The following NAV1 variants were observed in gnomAD, a reference collection of about 807,000 sequenced individuals.
NAV1 encodes neuron navigator 1.
A neutral mutation model predicts 175.2 loss-of-function variants in NAV1; 18 were observed. That is an observed-to-expected ratio of 0.10 (90% CI 0.07 to 0.15). The LOEUF (loss-of-function observed/expected upper bound fraction) is 0.15. NAV1 is among the 10% of genes least tolerant of loss of function. NAV1 has a pLI of 1.00. For missense variants in NAV1, 1,731 were observed against 2,436.6 expected (o/e 0.71, Z 6.10); for synonymous variants, 897 against 978.7 (o/e 0.92, Z 1.56).
chr1:201,761,430 A>T (rs1674835959), intron 3 of NAV1, among the ~76,000 whole-genome samples: 1 of 152,186 alleles, frequency 6.6e-6, no homozygotes, highest in Non-Finnish European at 1.5e-5. Context: ...GGTCTTTTAG[A>T]GCTGCCAGAA....
At chr1:201,799,192 G>T (rs1338374591) in intron 15 of NAV1, among the ~76,000 whole-genome samples, 3 of 151,994 alleles carry the variant, frequency 2.0e-5, no homozygotes, top group African/African-American at 7.3e-5. Flanking sequence ...GTGTGTGTGT[G>T]TGTGGAGAGA....
At chr1:201,686,744 T>C (rs1280823909) in intron 1 of NAV1, among the ~76,000 whole-genome samples, 1 of 152,224 alleles carries the variant, frequency 6.6e-6, no homozygotes, top group Non-Finnish European at 1.5e-5. Flanking sequence ...AGCCCTTAAA[T>C]TGGCTTCCGG....
intron 3 of NAV1, among the ~76,000 whole-genome samples, chr1:201,741,132 A>G (rs1186085390): frequency 6.6e-6 from 1 of 152,130 alleles, no homozygotes; most frequent in African/African-American, 2.4e-5. Context: ...AGTACCCTCC[A>G]GGGGCTCAAT....
chr1:201,779,430 TAA>T (rs35904825), intron 3 of NAV1, among the ~76,000 whole-genome samples: 7 of 136,286 alleles, frequency 5.1e-5, no homozygotes, highest in African/African-American at 8.3e-5. Flanking sequence ...TGTCTCTACT[TAA>T]AAAAAAAAAA....
intron 1 of NAV1, among the ~76,000 whole-genome samples, chr1:201,585,562 A>G (rs1273359866): frequency 6.6e-6 from 1 of 152,212 alleles, no homozygotes; most frequent in Admixed American, 6.5e-5. Flanking sequence ...TGCAAATCTT[A>G]TATCTGATAA....
At position 201,799,175 on chromosome 1, in the gene NAV1, A is replaced by AGTGT. The variant is rs1170303294; in HGVS notation, c.3518-4418_3518-4417insGTGT. 6.6e-5 allele frequency among the ~76,000 whole-genome samples: 7 copies of AGTGT among 105,634 alleles called. No homozygotes were observed. The East Asian group carries it at 1.8e-3, about 27-fold the overall frequency. 69.3% of individuals were successfully genotyped at this position (105,634 alleles called of 152,430 possible). On this transcript the variant is annotated intron_variant, in intron 15 of 29. Coordinates refer to ENST00000367296, the Ensembl canonical transcript of NAV1. ...AACTTATTTTCAAATTGTTCAAGAA[A>AGTGT]CTGTGTGTGTGTGTGTGTGTGGAGA...
At chr1:201,542,255 C>T (rs1665535417) in intron 1 of NAV1, among the ~76,000 whole-genome samples, 1 of 152,132 alleles carries the variant, frequency 6.6e-6, no homozygotes, top group African/African-American at 2.4e-5. Context: ...ATGTTACTTA[C>T]CTCTTAGCTA....
chr1:201,680,151 A>G (rs1187027892), intron 1 of NAV1, among the ~76,000 whole-genome samples: 1 of 152,196 alleles, frequency 6.6e-6, no homozygotes, highest in Admixed American at 6.5e-5. Flanking sequence ...TACTCATGGC[A>G]GAAGGTGAAC....
At chr1:201,818,972 G>C (rs1679230260) in intron 29 of NAV1, among the ~76,000 whole-genome samples, 1 of 152,138 alleles carries the variant, frequency 6.6e-6, no homozygotes, top group Non-Finnish European at 1.5e-5. Context: ...AAATGCACCA[G>C]GCTTACTTAG....
At position 201,812,499 on chromosome 1, in the gene NAV1, A is replaced by G; in HGVS notation, c.5059A>G (p.Asn1687Asp). Residue 1687 changes from asparagine to aspartate, a missense_variant, in exon 27 of 30, where the codon AAT (asparagine) becomes GAT (aspartate). Physicochemically the swap from Asn to Asp is conservative, Grantham distance 23 (BLOSUM62 1). Coordinates refer to ENST00000367296, the Ensembl canonical transcript of NAV1. This position sits in a 1 kb window ranked among gnomAD's most constrained non-coding sequence, Gnocchi z 4.6. ...CTTCTCCAACAACGTGGAGCCAGCC[A>G]ATGGCTTCCTGGTTCGTTACCTGAG... 1 of 1,614,168 alleles carries G rather than the reference A, an allele frequency of 6.2e-7. No homozygotes were observed. The highest frequency in any genetic ancestry group is 8.5e-7 in the Non-Finnish European group (1 of 1,180,020).
At chr1:201,647,699 A>T (rs1267930603), upstream of NAV1, among the ~76,000 whole-genome samples, 2 of 151,924 alleles carry the variant, frequency 1.3e-5, no homozygotes. Context: ...TCAGAGACTG[A>T]AGTAGGGCGG....
intron 1 of NAV1, among the ~76,000 whole-genome samples, chr1:201,676,773 T>C (rs928645652): frequency 1.3e-5 from 2 of 152,192 alleles, no homozygotes; most frequent in Admixed American, 1.3e-4. Flanking sequence ...TTAATAATCA[T>C]GTCAAATACT....
intron 1 of NAV1, among the ~76,000 whole-genome samples, chr1:201,684,475 C>CTTTTTTT (rs71138346): frequency 7.8e-6 from 1 of 127,872 alleles, no homozygotes; most frequent in Non-Finnish European, 1.6e-5. Flanking sequence ...TTTATGCAGC[C>CTTTTTTT]TTTTTTTTTT....
intron 3 of NAV1, among the ~76,000 whole-genome samples, chr1:201,758,818 A>G (rs77069010): frequency 0.025 from 3,749 of 152,276 alleles, 129 homozygotes; most frequent in African/African-American, 0.081. Flanking sequence ...TCTCTCTCGT[A>G]ATGGAAGTAT....
chr1:201,821,499 A>T (rs905830560), exon 30 of NAV1: 5 of 134,322 alleles, frequency 3.7e-5, no homozygotes, highest in African/African-American at 1.2e-4. Flanking sequence ...TCATTAGGTT[A>T]AAACAGACAC....
chr1:201,729,324 T>C lies in NAV1; in HGVS notation c.1226+10569T>C, dbSNP rs144595031. Reference sequence around the variant, plus strand: ...ACGAATACGGCAATAGTATTGTTCTTAGCATGTAGTGAAATATAGTGTATG... The same window carrying C: ...ACGAATACGGCAATAGTATTGTTCTCAGCATGTAGTGAAATATAGTGTATG... On this transcript the variant is annotated intron_variant, in intron 3 of 29. Coordinates refer to ENST00000367296, the Ensembl canonical transcript of NAV1. Among the ~76,000 whole-genome samples, 3 of 152,352 alleles carry C rather than the reference T, an allele frequency of 2.0e-5. No individual in the cohort carries two copies. The East Asian group carries it at 5.8e-4, about 29-fold the overall frequency.
At chr1:201,769,193 A>G (rs552603537) in intron 3 of NAV1, among the ~76,000 whole-genome samples, 2 of 152,352 alleles carry the variant, frequency 1.3e-5, no homozygotes, top group African/African-American at 4.8e-5. Flanking sequence ...TGACAGCCTT[A>G]TCTAAAACAC....
At position 201,805,232 on chromosome 1, in the gene NAV1, G is replaced by A. The variant is rs998986244; in HGVS notation, c.3648+735G>A. On this transcript the variant is annotated intron_variant, in intron 17 of 29. Transcript: ENST00000367296. ...TAATCTCGTCATTAAGAAGGCTGCAGTATTACTGGGGAGACCAAAAAAATT... is the reference window on the plus strand; with the variant it reads ...TAATCTCGTCATTAAGAAGGCTGCAATATTACTGGGGAGACCAAAAAAATT... Among the ~76,000 whole-genome samples the A allele has an allele frequency of 3.3e-5, 5 of 152,220 alleles. No individual in the cohort carries two copies. In the South Asian group the frequency reaches 1.0e-3, roughly 31 times the overall value.
chr1:201,711,933 C>T (rs1290055705), intron 1 of NAV1, among the ~76,000 whole-genome samples: 1 of 152,102 alleles, frequency 6.6e-6, no homozygotes, highest in Non-Finnish European at 1.5e-5. Flanking sequence ...TTATTTTCAC[C>T]CTGTTTGCTG....
Sources: allele counts gnomAD v4.1 joint callset (sites outside exome capture counted in the v4.1 genomes callset), GRCh38; gene constraint gnomAD v4.1.1; non-coding constraint Gnocchi (gnomAD v3.1); transcripts MANE v1.5; gene names NCBI Gene and HGNC (gene_info 2026-07-23, HGNC 2026-07-21).